Variants in SORT1 observed in about 807,000 individuals in gnomAD.
SORT1 encodes sortilin 1, also known as sortilin.
In SORT1, 39 loss-of-function variants were observed where a neutral mutation model predicts 101.7. That is an observed-to-expected ratio of 0.38 (90% CI 0.30 to 0.50). SORT1 has a LOEUF of 0.50. Ranked by LOEUF, SORT1 falls within the 20% of genes least tolerant of loss-of-function variation. The pLI, the probability that SORT1 is intolerant of heterozygous loss-of-function variation, is 0.90. For missense variants in SORT1, 878 were observed against 1,040.4 expected, an observed-to-expected ratio of 0.84 and a Z score of 2.15; for synonymous variants, 396 against 393.7, an observed-to-expected ratio of 1.01 and a Z score of -0.07.
intron 3 of SORT1, among the ~76,000 whole-genome samples, chr1:109,364,496 GA>G (rs932385830): frequency 6.6e-6 from 1 of 151,896 alleles, no homozygotes; most frequent in Non-Finnish European, 1.5e-5. Context: ...TAGTTACAGC[GA>G]AAAAAACAGC....
At chr1:109,378,286 G>GT (rs1427262737) in intron 1 of SORT1, among the ~76,000 whole-genome samples, 11 of 152,000 alleles carry the variant, frequency 7.2e-5, no homozygotes, top group African/African-American at 2.7e-4. Context: ...AATAAAGAAA[G>GT]TTAAGGTTGA....
At chr1:109,349,236 T>G (rs1239114391) in intron 6 of SORT1, among the ~76,000 whole-genome samples, 1 of 151,780 alleles carries the variant, frequency 6.6e-6, no homozygotes, top group African/African-American at 2.4e-5. Context: ...TCCCAGCTAC[T>G]CAGGAGGCTG....
At chr1:109,346,325 A>C (rs538576861) in intron 7 of SORT1, among the ~76,000 whole-genome samples, 1 of 151,770 alleles carries the variant, frequency 6.6e-6, no homozygotes, top group Non-Finnish European at 1.5e-5. Context: ...AAAAAAAAAA[A>C]AAAAAAGTGA....
intron 1 of SORT1, chr1:109,389,980 T>A (rs1570993238): frequency 6.6e-6 from 1 of 152,190 alleles, no homozygotes; most frequent in African/African-American, 2.4e-5. Context: ...TCTCTTTCCA[T>A]CCCCCACAAA....
intron 14 of SORT1, among the ~76,000 whole-genome samples, chr1:109,323,445 C>A (rs1023325291): frequency 2.0e-5 from 3 of 152,240 alleles, no homozygotes; most frequent in Non-Finnish European, 2.9e-5. Flanking sequence ...GTGTCTTGCA[C>A]ACCTACGCCC....
chr1:109,322,949 G>A lies in SORT1; in HGVS notation c.2007C>T (p.Ser669=). ...VTKQPSICLC[S]LEDFLCDFGY... ...GCTGATACCAGAGAAAGTCCTCCAG[G>A]GAACAGAGGCAGATGGAGGGCTGCT... The change falls in exon 15 of 20, where the codon TCC becomes TCT. Residue 669 remains serine (S), a synonymous_variant. Transcript: ENST00000256637. 2 of 1,613,310 alleles carry A rather than the reference G, an allele frequency of 1.2e-6. No homozygotes were observed. Among genetic ancestry groups the A allele is most frequent in the Non-Finnish European group, 1.7e-6 (2 of 1,179,588 alleles).
intron 2 of SORT1, 150 bp from the exon 3 acceptor site, chr1:109,367,631 T>A: frequency 1.9e-6 from 1 of 519,738 alleles, no homozygotes; most frequent in Non-Finnish European, 3.4e-6. Flanking sequence ...TTACTAGGGC[T>A]GAGAATGATG....
intron 18 of SORT1, 89 bp downstream of exon 18, chr1:109,314,583 G>A: frequency 8.9e-7 from 1 of 1,125,430 alleles, no homozygotes; most frequent in Non-Finnish European, 1.3e-6. Context: ...CAAGTACCTA[G>A]TTTTTGCCAA....
intron 3 of SORT1, among the ~76,000 whole-genome samples, chr1:109,364,860 C>T (rs370291055): frequency 6.9e-4 from 105 of 152,312 alleles, no homozygotes; most frequent in African/African-American, 2.5e-3. Context: ...GCAGAGCATA[C>T]CTCACAACGG....
chr1:109,358,641 G>A (rs977666666), intron 3 of SORT1, among the ~76,000 whole-genome samples: 11 of 152,086 alleles, frequency 7.2e-5, no homozygotes, highest in Non-Finnish European at 1.3e-4. Flanking sequence ...GGATCACAAG[G>A]TCAGGAGTTC....
intron 10 of SORT1, among the ~76,000 whole-genome samples, chr1:109,338,971 G>A (rs1199446494): frequency 2.0e-5 from 3 of 151,780 alleles, no homozygotes; most frequent in Admixed American, 6.6e-5. Flanking sequence ...TCAGCCTCCC[G>A]GGTTCACGCC....
At chr1:109,383,127 C>T (rs868799204) in intron 1 of SORT1, among the ~76,000 whole-genome samples, 4 of 152,186 alleles carry the variant, frequency 2.6e-5, no homozygotes, top group Non-Finnish European at 1.5e-5. Flanking sequence ...TTTAGTTACA[C>T]ACATGATCAA....
At position 109,326,558 on chromosome 1, in the gene SORT1, TAC is replaced by T. The variant is rs375131395; in HGVS notation, c.1643+432_1643+433del. Reference sequence around the variant, plus strand: ...ATATACATATATATACACATATATATACACACACACACATACATATATACACA... The same window carrying T: ...ATATACATATATATACACATATATATACACACACACATACATATATACACA... On this transcript the variant is annotated intron_variant, in intron 13 of 19. Coordinates refer to ENST00000256637, the MANE Select transcript of SORT1 (RefSeq NM_002959.7). Among the ~76,000 whole-genome samples the T allele has an allele frequency of 9.3e-3, 1,349 of 145,038 alleles. 26 individuals carry two copies. The highest frequency in any genetic ancestry group is 0.032 in the African/African-American group (1,274 of 39,228).
rs762902692 is a variant in SORT1, at chr1:109,334,002, C to T, written c.1371+2238G>A. On this transcript the variant is annotated intron_variant, in intron 11 of 19. Coordinates refer to ENST00000256637, the MANE Select transcript of SORT1 (RefSeq NM_002959.7). ...ACTACTAAAGACACAAAAAATTAGC[C>T]GGGCGTGGTGGCACATGCCTGTAAT... is the stretch of plus-strand genomic sequence containing the variant. Among the ~76,000 whole-genome samples, 9 of 152,068 alleles carry T rather than the reference C, an allele frequency of 5.9e-5. No homozygotes were observed. In the South Asian group the frequency reaches 6.2e-4, roughly 11 times the overall value.
intron 13 of SORT1, among the ~76,000 whole-genome samples, chr1:109,326,283 G>A (rs980071236): frequency 1.1e-4 from 16 of 146,430 alleles, no homozygotes; most frequent in African/African-American, 3.8e-4. Flanking sequence ...GAACTCTTGG[G>A]CTCAAGCAAT....
chr1:109,389,071 G>A (rs181859067), intron 1 of SORT1, among the ~76,000 whole-genome samples: 251 of 152,282 alleles, frequency 1.6e-3, no homozygotes, highest in African/African-American at 5.5e-3. Flanking sequence ...TGCCTCATCC[G>A]TCTGCTTTAA....
At chr1:109,316,707 A>C (rs777824959) in intron 17 of SORT1, 143 bp downstream of exon 17, 80 of 577,720 alleles carry the variant, frequency 1.4e-4, no homozygotes, top group Admixed American at 6.0e-4. Context: ...TCATGCTAAC[A>C]GCTTCCTGTA....
At chr1:109,326,508 C>CATAT (rs1476471474) in intron 13 of SORT1, among the ~76,000 whole-genome samples, 13 of 44,306 alleles carry the variant, frequency 2.9e-4, no homozygotes, top group Admixed American at 1.5e-3. Context: ...CATATATACA[C>CATAT]ACATACACAT....
intron 13 of SORT1, 141 bp from the exon 14 acceptor site, chr1:109,325,230 A>ATT: frequency 2.5e-6 from 1 of 397,624 alleles, no homozygotes; most frequent in Non-Finnish European, 4.3e-6. Context: ...AATTATTTTA[A>ATT]CTTTTTTTTT....
Sources: allele counts gnomAD v4.1 joint callset (sites outside exome capture counted in the v4.1 genomes callset), GRCh38; gene constraint gnomAD v4.1.1; transcripts MANE v1.5; gene names NCBI Gene and HGNC (gene_info 2026-07-23, HGNC 2026-07-21).